Variants in TEC observed in about 807,000 individuals in gnomAD.
TEC encodes the protein tec protein tyrosine kinase, also known as tyrosine-protein kinase Tec.
A neutral mutation model predicts 93.0 loss-of-function variants in TEC; 72 were observed. The ratio of observed to expected loss-of-function variants is 0.77; its 90% confidence interval spans 0.64 to 0.94. TEC has a LOEUF of 0.94. Ranked by LOEUF, TEC falls within the 40% of genes least tolerant of loss-of-function variation. TEC has a pLI of 0.00. For missense variants in TEC, 630 were observed against 757.9 expected (o/e 0.83, Z 1.98); for synonymous variants, 249 against 247.7 (o/e 1.01, Z -0.05).
chr4:48,171,878 T>C (rs1028250889), intron 3 of TEC, among the ~76,000 whole-genome samples: 2 of 152,254 alleles, frequency 1.3e-5, no homozygotes, highest in African/African-American at 4.8e-5. Flanking sequence ...ACGCCAGCAC[T>C]GTGCTGTGTG....
At chr4:48,163,087 T>C (rs2085561277) in intron 8 of TEC, among the ~76,000 whole-genome samples, 1 of 152,196 alleles carries the variant, frequency 6.6e-6, no homozygotes, top group Middle Eastern at 3.4e-3. Flanking sequence ...AATGATTACA[T>C]AAATTATTGG....
chr4:48,177,540 A>G (rs762781357), intron 2 of TEC, among the ~76,000 whole-genome samples: 24 of 152,040 alleles, frequency 1.6e-4, no homozygotes, highest in Non-Finnish European at 2.8e-4. Context: ...GGACTTCCAC[A>G]CCTGCCTCAT....
At chr4:48,255,786 G>A (rs1239697645) in intron 1 of TEC, among the ~76,000 whole-genome samples, 1 of 152,144 alleles carries the variant, frequency 6.6e-6, no homozygotes, top group East Asian at 1.9e-4. Flanking sequence ...TTGACACAAA[G>A]TAAGTGATCA....
chr4:48,142,314 TA>T, intron 14 of TEC, among the ~76,000 whole-genome samples: 1 of 152,016 alleles, frequency 6.6e-6, no homozygotes, highest in African/African-American at 2.4e-5. Flanking sequence ...CTACTAAAAA[TA>T]CAAAAAAAAT....
At chr4:48,217,599 A>T (rs2352594) in intron 2 of TEC, among the ~76,000 whole-genome samples, 3 of 151,944 alleles carry the variant, frequency 2.0e-5, no homozygotes, top group Non-Finnish European at 4.4e-5. Flanking sequence ...GTCATGAGAT[A>T]GCTGGCATTT....
intron 3 of TEC, 145 bp from the exon 4 acceptor site, chr4:48,171,594 T>C (rs1267575949): frequency 5.6e-6 from 3 of 536,334 alleles, no homozygotes; most frequent in South Asian, 4.3e-5. Flanking sequence ...AAACCCAGGT[T>C]ACTTTCTTAC....
intron 11 of TEC, 143 bp from the exon 12 acceptor site, chr4:48,146,542 T>C (rs1296024870): frequency 1.7e-5 from 11 of 656,206 alleles, no homozygotes; most frequent in Admixed American, 8.6e-5. Context: ...CTCTGCTATA[T>C]GCTTTTATTC....
At chr4:48,150,973 T>C (rs1720138123) in intron 9 of TEC, 31 bp from the exon 10 acceptor site, 3 of 1,385,824 alleles carry the variant, frequency 2.2e-6, no homozygotes, top group African/African-American at 2.9e-5. Flanking sequence ...AAATTTTTTT[T>C]ACTCTAATTA....
intron 1 of TEC, among the ~76,000 whole-genome samples, chr4:48,229,315 A>C (rs6826144): frequency 0.16 from 24,292 of 152,268 alleles, 2,151 homozygotes; most frequent in Non-Finnish European, 0.2. Flanking sequence ...GTCCACCTGG[A>C]TAAGAAAGTC....
intron 2 of TEC, among the ~76,000 whole-genome samples, chr4:48,183,096 A>C (rs1241940997): frequency 3.9e-5 from 6 of 152,150 alleles, no homozygotes; most frequent in African/African-American, 9.7e-5. Context: ...GCATTGCAAG[A>C]GGACCTCAGA....
At chr4:48,266,980 G>C (rs565451377) in intron 1 of TEC, among the ~76,000 whole-genome samples, 1 of 152,206 alleles carries the variant, frequency 6.6e-6, no homozygotes, top group South Asian at 2.1e-4. Context: ...GAGGGAAAAA[G>C]AGAGCCAACT....
In TEC at chr4:48,195,133, T is replaced by C. The variant is rs565872815; in HGVS notation, c.139-18947A>G. On this transcript the variant is annotated intron_variant, in intron 2 of 17. Transcript: ENST00000381501. Reference sequence around the variant, plus strand: ...ACCATCTGTAGAAGAAATGATGTGGTTTCTGCAAGACAATGGGAGTAGAAG... The same window carrying C: ...ACCATCTGTAGAAGAAATGATGTGGCTTCTGCAAGACAATGGGAGTAGAAG... 2.0e-5 allele frequency among the ~76,000 whole-genome samples: 3 copies of C among 152,260 alleles called. No homozygotes were observed. In the South Asian group the frequency reaches 6.2e-4, roughly 32 times the overall value.
chr4:48,202,714 TAAC>T (rs371331676), intron 2 of TEC, among the ~76,000 whole-genome samples: 19 of 152,322 alleles, frequency 1.2e-4, no homozygotes, highest in African/African-American at 3.8e-4. Flanking sequence ...TTTGAGGTAG[TAAC>T]TATTTATTGT....
At chr4:48,247,558 C>T (rs1724094663) in intron 1 of TEC, among the ~76,000 whole-genome samples, 2 of 152,202 alleles carry the variant, frequency 1.3e-5, no homozygotes, top group South Asian at 2.1e-4. Flanking sequence ...TTATTCTACC[C>T]TAAAAAGGAA....
chr4:48,164,550 A>AC (rs1317419464), intron 7 of TEC, among the ~76,000 whole-genome samples: 2 of 122,166 alleles, frequency 1.6e-5, no homozygotes, highest in Non-Finnish European at 3.4e-5. Context: ...AAGAACTCAT[A>AC]ATACACACAC....
At chr4:48,228,358 G>A in intron 2 of TEC, 119 bp downstream of exon 2, 1 of 1,115,056 alleles carries the variant, frequency 9.0e-7, no homozygotes, top group Non-Finnish European at 1.2e-6. Context: ...AAGTCCAAAT[G>A]ATAATAAATC....
At chr4:48,237,793 A>T (rs1223222734) in intron 1 of TEC, among the ~76,000 whole-genome samples, 2 of 152,222 alleles carry the variant, frequency 1.3e-5, no homozygotes, top group Non-Finnish European at 1.5e-5. Context: ...AGGTGACCTT[A>T]TTTCACATCT....
intron 4 of TEC, among the ~76,000 whole-genome samples, chr4:48,170,995 G>A (rs1055093134): frequency 6.6e-6 from 1 of 150,496 alleles, no homozygotes; most frequent in African/African-American, 2.5e-5. Context: ...AGATTGCAGT[G>A]AGCCGAGATC....
chr4:48,244,563 G>A (rs1002720794), intron 1 of TEC, among the ~76,000 whole-genome samples: 1 of 152,214 alleles, frequency 6.6e-6, no homozygotes, highest in Non-Finnish European at 1.5e-5. Flanking sequence ...GATGAAATTT[G>A]GGTGGCAACA....
Sources: allele counts gnomAD v4.1 joint callset (sites outside exome capture counted in the v4.1 genomes callset), GRCh38; gene constraint gnomAD v4.1.1; transcripts MANE v1.5; gene names NCBI Gene and HGNC (gene_info 2026-07-23, HGNC 2026-07-21).